The following ACACB variants were observed in gnomAD, a reference collection of about 807,000 sequenced individuals.
ACACB encodes acetyl-CoA carboxylase beta.
In ACACB, 209 loss-of-function variants were observed where a neutral mutation model predicts 278.8. That is an observed-to-expected ratio of 0.75 (90% CI 0.67 to 0.84). ACACB has a LOEUF of 0.84. Ranked by LOEUF, ACACB falls within the 40% of genes least tolerant of loss-of-function variation. The pLI is 0.00. For missense variants in ACACB, 2,850 were observed against 3,269.0 expected, an observed-to-expected ratio of 0.87 and a Z score of 3.13; for synonymous variants, 1,174 against 1,285.6, an observed-to-expected ratio of 0.91 and a Z score of 1.86.
rs966180894 is a variant in ACACB, at chr12:109,199,527, C to T, written c.2753C>T (p.Ala918Val). Reference protein sequence around the residue: ...YTVEDGGHVEAGSSYAEMEVM... With the variant: ...YTVEDGGHVEVGSSYAEMEVM... ...GTGGAGGATGGGGGCCACGTTGAGG[C>T]TGGGAGCAGCTACGCTGAGATGGAG... is the stretch of plus-strand genomic sequence containing the variant. Residue 918 changes from alanine to valine, a missense_variant, in exon 18 of 53, where the codon GCT (alanine) becomes GTT (valine). Transcript: ENST00000338432. 6.6e-7 allele frequency: 1 copy of T among 1,504,860 alleles called. No homozygotes were observed. The highest frequency in any genetic ancestry group is 1.3e-5 in the South Asian group (1 of 74,214). 93.2% of individuals were successfully genotyped at this position (1,504,860 alleles called of 1,614,324 possible).
At chr12:109,132,353 TGAG>T (rs376043973) in intron 1 of ACACB, among the ~76,000 whole-genome samples, 580 of 152,080 alleles carry the variant, frequency 3.8e-3, no homozygotes, top group African/African-American at 0.014. Context: ...TTTAGTAGAA[TGAG>T]GTTTCACCTT....
chr12:109,149,778 C>A (rs2043325683), intron 2 of ACACB, among the ~76,000 whole-genome samples: 1 of 152,202 alleles, frequency 6.6e-6, no homozygotes, highest in African/African-American at 2.4e-5. Context: ...GTTGGCACTA[C>A]AGATGCAAAG....
chr12:109,167,621 G>GCATATATATATATA (rs1408673157), intron 3 of ACACB, among the ~76,000 whole-genome samples: 37 of 77,524 alleles, frequency 4.8e-4, no homozygotes, highest in African/African-American at 1.6e-3. Context: ...ATATGTATGT[G>GCATATATATATATA]TATATATATA....
chr12:109,123,866 T>C (rs1393362865), intron 1 of ACACB, among the ~76,000 whole-genome samples: 1 of 151,480 alleles, frequency 6.6e-6, no homozygotes, highest in South Asian at 2.1e-4. Context: ...TTAATTTTTA[T>C]TTTTTAGGTA....
intron 24 of ACACB, among the ~76,000 whole-genome samples, chr12:109,221,516 C>T (rs2046159684): frequency 6.6e-6 from 1 of 152,208 alleles, no homozygotes; most frequent in Admixed American, 6.5e-5. Flanking sequence ...GCCCTTCTTT[C>T]AGAAGCAGAG....
chr12:109,138,647 A>T (rs764013876), intron 1 of ACACB, among the ~76,000 whole-genome samples: 13 of 152,098 alleles, frequency 8.5e-5, no homozygotes, highest in Admixed American at 5.2e-4. Context: ...AGCCAAGGTC[A>T]GGAGTTAGAG....
intron 3 of ACACB, chr12:109,167,224 T>C (rs2043939159): frequency 3.6e-6 from 2 of 551,736 alleles, no homozygotes; most frequent in Non-Finnish European, 3.2e-6. Flanking sequence ...GTAAAACACA[T>C]TGTACTGTAA....
intron 22 of ACACB, among the ~76,000 whole-genome samples, chr12:109,213,772 G>T (rs7953267): frequency 4.5e-4 from 69 of 151,932 alleles, no homozygotes; most frequent in Middle Eastern, 3.4e-3. Flanking sequence ...TAATTTTTTT[G>T]TGTGTTTTTA....
intron 47 of ACACB, 48 bp from the exon 48 acceptor site, chr12:109,260,432 G>A (rs772086926): frequency 1.2e-6 from 2 of 1,611,026 alleles, no homozygotes; most frequent in Non-Finnish European, 1.7e-6. Context: ...TGGGTTTCAT[G>A]TGTGGATGAG....
rs1002356186 is a variant in ACACB at position 109,153,453 on chromosome 12, T to C, written c.653+13395T>C. 2.0e-5 allele frequency among the ~76,000 whole-genome samples: 3 copies of C among 152,256 alleles called. No homozygotes were observed. In the East Asian group the frequency reaches 5.8e-4, roughly 29 times the overall value. On this transcript the variant is annotated intron_variant, in intron 2 of 52. Coordinates refer to ENST00000338432, the MANE Select transcript of ACACB (RefSeq NM_001093.4). ...ATTAACTTGTAAAAAGGCAGATTAG[T>C]TGGAGAAAAGACACACAAATTTAAT... is the stretch of plus-strand genomic sequence containing the variant.
chr12:109,235,642 G>C lies in ACACB; in HGVS notation c.4441G>C (p.Asp1481His). ...FPKFFTFRAR[D>H]EFAEDRIYRH... ...CAAGTTTTTCACATTCAGAGCAAGAGATGAGGTATGGCCAAAAGTAATGAT... is the reference window on the plus strand; with the variant it reads ...CAAGTTTTTCACATTCAGAGCAAGACATGAGGTATGGCCAAAAGTAATGAT... The change falls in exon 33 of 53, where the codon GAT (aspartate) becomes CAT (histidine). Residue 1481 changes from aspartate (D) to histidine (H), a missense_variant. Around this residue, in one of 3 missense-constraint regions of ACACB, gnomAD observed 2,265 missense variants for 2,561.3 expected, o/e 0.88. Transcript: ENST00000338432. 2 of 1,612,166 alleles carry C rather than the reference G, an allele frequency of 1.2e-6. No individual in the cohort carries two copies. The highest frequency in any genetic ancestry group is 1.7e-6 in the Non-Finnish European group (2 of 1,178,506).
chr12:109,220,774 T>G (rs898913917), intron 24 of ACACB, among the ~76,000 whole-genome samples: 1 of 152,180 alleles, frequency 6.6e-6, no homozygotes, highest in Non-Finnish European at 1.5e-5. Context: ...AGGCTGGTCT[T>G]GAACTCTTGG....
Position 109,247,616 on chromosome 12 carries a change from A to T in ACACB, c.5582A>T (p.Tyr1861Phe), listed in dbSNP as rs766991887. Residue 1861 changes from tyrosine (Y) to phenylalanine (F), a missense_variant, in exon 40 of 53, where the codon TAC (tyrosine) becomes TTC (phenylalanine). Physicochemically the swap from Tyr to Phe is conservative, Grantham distance 22 (BLOSUM62 3). Transcript: ENST00000338432. ...AAAGTATTTTTTAAGGGATTTAAAT[A>T]CCTGTACCTGACTCCCCAAGACTAC... ...DPEDPHKGFK[Y>F]LYLTPQDYTR... 6.2e-7 allele frequency: 1 copy of T among 1,613,298 alleles called. No homozygotes were observed. Among genetic ancestry groups the T allele is most frequent in the Non-Finnish European group, 8.5e-7 (1 of 1,179,432 alleles).
intron 2 of ACACB, among the ~76,000 whole-genome samples, chr12:109,146,434 C>T (rs1380332888): frequency 6.6e-6 from 1 of 152,214 alleles, no homozygotes; most frequent in East Asian, 1.9e-4. Context: ...TGGGAGGAAG[C>T]TCTTTCTGAA....
At position 109,246,448 on chromosome 12, in the gene ACACB, A is replaced by C; in HGVS notation, c.5571A>C (p.Lys1857Asn). 1 of 1,608,354 alleles carries C rather than the reference A, an allele frequency of 6.2e-7. No homozygotes were observed. Among genetic ancestry groups the C allele is most frequent in the Non-Finnish European group, 8.5e-7 (1 of 1,175,326 alleles). ...GGGTGGACCCAGAAGACCCCCACAA[A>C]GTACGTCGTGAAACTGGCGGGGCAG... ...VAWVDPEDPHKGFKYLYLTPQ... is the reference protein window; with the variant it reads ...VAWVDPEDPHNGFKYLYLTPQ... The change falls in exon 39 of 53, where the codon AAA becomes AAC. Residue 1857 changes from lysine (K) to asparagine (N), a missense_variant and splice_region_variant. Coordinates refer to ENST00000338432, the MANE Select transcript of ACACB (RefSeq NM_001093.4).
At chr12:109,184,074 A>T (rs1268158934) in intron 11 of ACACB, among the ~76,000 whole-genome samples, 1 of 149,326 alleles carries the variant, frequency 6.7e-6, no homozygotes, top group Non-Finnish European at 1.5e-5. Flanking sequence ...TTTCTTTGAG[A>T]TGGAGTCTCG....
Position 109,262,392 on chromosome 12 carries a change from T to C in ACACB, c.6710T>C (p.Ile2237Thr), listed in dbSNP as rs748306546. 7.4e-6 allele frequency: 12 copies of C among 1,613,458 alleles called. No individual in the cohort carries two copies. The highest frequency in any genetic ancestry group is 1.7e-5 in the Admixed American group (1 of 59,966). The change falls in exon 49 of 53, where the codon ATT becomes ACT. Residue 2237 changes from isoleucine (I) to threonine (T), a missense_variant. Ile to Thr is a moderately conservative substitution (Grantham distance 89). This residue lies in a region of ACACB where 579 missense variants were observed against 684.6 expected (regional missense o/e 0.85). Transcript: ENST00000338432. ...CTGGAACCAGAGGGGACAGTGGAGA[T>C]TAAGTTCCGAAAGAAAGATCTGATA... is the stretch of plus-strand genomic sequence containing the variant. Reference protein sequence around the residue: ...GVLEPEGTVEIKFRKKDLIKS... With the variant: ...GVLEPEGTVETKFRKKDLIKS...
At chr12:109,170,790 TG>T (rs2044085429) in intron 4 of ACACB, among the ~76,000 whole-genome samples, 2 of 137,158 alleles carry the variant, frequency 1.5e-5, no homozygotes, top group African/African-American at 5.7e-5. Flanking sequence ...AAATTTTGTG[TG>T]TGTTTTTTTT....
Position 109,210,221 on chromosome 12 carries a change from A to G in ACACB, c.3249+868A>G, listed in dbSNP as rs1453398795. On this transcript the variant is annotated intron_variant, in intron 21 of 52. Transcript: ENST00000338432. ...TATGTATATATGTATATATACACACATGTGTGTATATGTATATATGTATAT... is the reference window on the plus strand; with the variant it reads ...TATGTATATATGTATATATACACACGTGTGTGTATATGTATATATGTATAT... Among the ~76,000 whole-genome samples, 66 of 11,926 alleles carry G rather than the reference A, an allele frequency of 5.5e-3. 4 individuals are homozygous for G. Among genetic ancestry groups the G allele is most frequent in the South Asian group, 0.024 (5 of 212 alleles). 7.8% of individuals were successfully genotyped at this position (11,926 alleles called of 152,430 possible). A position where few individuals can be genotyped will look rare whatever the true frequency, so the allele number is the denominator to read the frequency against.
Sources: gnomAD v4.1 joint callset for allele counts (sites outside exome capture counted in the v4.1 genomes callset) on GRCh38, gnomAD v4.1.1 for gene constraint, gnomAD v4.1.1 regional missense constraint, MANE v1.5 for transcripts, NCBI Gene and HGNC (gene_info 2026-07-23, HGNC 2026-07-21) for gene names.